Variants in PI4KA observed in about 807,000 individuals in gnomAD.
The protein encoded by PI4KA is phosphatidylinositol 4-kinase alpha.
A neutral mutation model predicts 271.4 loss-of-function variants in PI4KA; 122 were observed. The ratio of observed to expected loss-of-function variants is 0.45; its 90% CI spans 0.39 to 0.52. The LOEUF (loss-of-function observed/expected upper bound fraction) is 0.52, where lower values mean the gene tolerates loss of function less well. Ranked by LOEUF, PI4KA falls within the 20% of genes least tolerant of loss-of-function variation. The probability of loss-of-function intolerance (pLI) is 0.00; values close to 1 mark genes in which losing one functional copy is unlikely to be tolerated. For missense variants in PI4KA, 1,969 were observed against 2,769.1 expected (o/e 0.71, Z 6.48); for synonymous variants, 1,041 against 1,078.8 (o/e 0.96, Z 0.69).
chr22:20,747,621 G>A lies in PI4KA; in HGVS notation c.3325C>T (p.His1109Tyr). The A allele has an allele frequency of 3.1e-6, 5 of 1,614,128 alleles. No individual in the cohort carries two copies. Among genetic ancestry groups the A allele is most frequent in the Non-Finnish European group, 4.2e-6 (5 of 1,180,006 alleles). The change falls in exon 29 of 55, where the codon CAC becomes TAC. Residue 1109 changes from histidine to tyrosine, a missense_variant. Around this residue, in one of 13 missense-constraint regions of PI4KA, gnomAD observed 203 missense variants for 256.8 expected, o/e 0.79. Transcript: ENST00000255882. ...GLAMATESIL[H>Y]FAGYNKQNTT... ...TTCTGCTTGTTGTAGCCAGCAAAGT[G>A]AAGGATGCTCTCAGTGGCCATGGCC... is the stretch of plus-strand genomic sequence containing the variant.
At chr22:20,828,441 A>G (rs984814240) in intron 3 of PI4KA, among the ~76,000 whole-genome samples, 4 of 152,154 alleles carry the variant, frequency 2.6e-5, no homozygotes, top group Non-Finnish European at 5.9e-5. Flanking sequence ...CTGGTTTTCA[A>G]GGGGAATGCT....
At chr22:20,743,750 G>A (rs796548064) in intron 30 of PI4KA, among the ~76,000 whole-genome samples, 6 of 152,252 alleles carry the variant, frequency 3.9e-5, no homozygotes, top group African/African-American at 1.4e-4. Flanking sequence ...AGTCACCAGG[G>A]AGCTTAGAAA....
intron 19 of PI4KA, among the ~76,000 whole-genome samples, chr22:20,777,688 T>C (rs1023479546): frequency 2.0e-5 from 3 of 152,202 alleles, no homozygotes; most frequent in African/African-American, 7.2e-5. Flanking sequence ...GTTGGGACCA[T>C]GTATTACCTG....
chr22:20,808,014 G>C (rs1217079669), intron 9 of PI4KA, among the ~76,000 whole-genome samples: 2 of 152,188 alleles, frequency 1.3e-5, no homozygotes, highest in Non-Finnish European at 2.9e-5. Flanking sequence ...GTCCAGCCCG[G>C]GTGTGGTGGC....
At chr22:20,771,283 C>G (rs922172319) in intron 19 of PI4KA, among the ~76,000 whole-genome samples, 37 of 151,902 alleles carry the variant, frequency 2.4e-4, no homozygotes, top group African/African-American at 8.5e-4. Flanking sequence ...ATTAGCCAGA[C>G]GTGGTGGTGG....
At chr22:20,751,180 C>G in intron 27 of PI4KA, 113 bp downstream of exon 27, 1 of 819,012 alleles carries the variant, frequency 1.2e-6, no homozygotes, top group Non-Finnish European at 2.0e-6. Context: ...GCACCACCCA[C>G]ACCTCAAATT....
At chr22:20,760,734 C>A (rs1931876472) in intron 23 of PI4KA, among the ~76,000 whole-genome samples, 1 of 152,126 alleles carries the variant, frequency 6.6e-6, no homozygotes, top group South Asian at 2.1e-4. Context: ...CATTTTTATG[C>A]CTTCCTACAG....
At position 20,841,725 on chromosome 22, in the gene PI4KA, C is replaced by T. The variant is rs182892440; in HGVS notation, c.157-2994G>A. Among the ~76,000 whole-genome samples the T allele has an allele frequency of 7.2e-5, 11 of 152,196 alleles. 1 individual carries two copies. Among genetic ancestry groups the T allele is most frequent in the African/African-American group, 2.6e-4 (11 of 41,520 alleles). ...CTTCCAGATCTAATTAAATTAAGAA[C>T]CTTGAAATGGAGGGATATCCTGGAT... On this transcript the variant is annotated intron_variant, in intron 1 of 54. Transcript: ENST00000255882.
rs922735480 is a variant in PI4KA at position 20,858,644 on chromosome 22, G to T, written c.82C>A (p.Arg28=). Residue 28 remains arginine, a synonymous_variant, in exon 1 of 55, where the codon CGG becomes AGG. Coordinates refer to ENST00000255882, the MANE Select transcript of PI4KA (RefSeq NM_058004.4). ...AGGACCGTGTTGAAATAGAAGCCCC[G>T]CGAGGCGCTGGAGCCGGAGCCGGAG... The part of the protein sequence containing the change: ...GCSGSGSSAS[R]GFYFNTVLSL... The T allele has an allele frequency of 6.7e-7, 1 of 1,485,158 alleles. No homozygotes were observed. The highest frequency in any genetic ancestry group is 8.9e-7 in the Non-Finnish European group (1 of 1,124,222). The allele number at this position is 1,485,158 out of a possible 1,614,324, so 92.0% of individuals were successfully genotyped here.
intron 4 of PI4KA, among the ~76,000 whole-genome samples, chr22:20,823,714 G>A (rs1261373524): frequency 3.3e-5 from 5 of 152,174 alleles, no homozygotes; most frequent in African/African-American, 1.2e-4. Context: ...CGAGGCAGAA[G>A]GATCACTTGA....
intron 32 of PI4KA, among the ~76,000 whole-genome samples, chr22:20,740,457 T>TAA (rs5844436): frequency 1.4e-5 from 2 of 144,136 alleles, no homozygotes; most frequent in African/African-American, 5.0e-5. Context: ...GCCTAGGAAG[T>TAA]AAAAAAAAAA....
chr22:20,744,589 C>T, intron 30 of PI4KA, 39 bp downstream of exon 30: 1 of 1,450,056 alleles, frequency 6.9e-7, no homozygotes, highest in Non-Finnish European at 9.7e-7. Flanking sequence ...AACAAGAGGA[C>T]ACGTTAAAGG....
intron 1 of PI4KA, among the ~76,000 whole-genome samples, chr22:20,848,173 G>C (rs111574521): frequency 6.6e-6 from 1 of 151,088 alleles, no homozygotes; most frequent in South Asian, 2.1e-4. Flanking sequence ...AGGAGGCGGA[G>C]GTTGCAGTGA....
intron 23 of PI4KA, among the ~76,000 whole-genome samples, chr22:20,759,567 CTTAT>C (rs1375126134): frequency 3.3e-5 from 5 of 151,530 alleles, no homozygotes; most frequent in Admixed American, 6.6e-5. Context: ...CCACGCTCGG[CTTAT>C]TTATTTATTT....
intron 19 of PI4KA, among the ~76,000 whole-genome samples, chr22:20,780,985 C>T (rs1411294327): frequency 1.3e-5 from 2 of 152,156 alleles, no homozygotes; most frequent in East Asian, 3.9e-4. Flanking sequence ...AGACAAAAGG[C>T]TAAAGAAATG....
chr22:20,811,946 G>C (rs1208966606), intron 8 of PI4KA, among the ~76,000 whole-genome samples: 2 of 150,428 alleles, frequency 1.3e-5, no homozygotes, highest in South Asian at 4.2e-4. Flanking sequence ...CTGGGAGGCG[G>C]AGCTTGCAGT....
At chr22:20,846,409 A>C (rs1182870330) in intron 1 of PI4KA, among the ~76,000 whole-genome samples, 1 of 151,774 alleles carries the variant, frequency 6.6e-6, no homozygotes, top group Non-Finnish European at 1.5e-5. Context: ...AATAATAAAG[A>C]AAAACACTAA....
At chr22:20,736,836 T>C (rs1342585766) in intron 32 of PI4KA, 2 of 153,250 alleles carry the variant, frequency 1.3e-5, no homozygotes, top group African/African-American at 4.8e-5. Flanking sequence ...CACTGGCATC[T>C]ACAGTAAAGG....
intron 45 of PI4KA, among the ~76,000 whole-genome samples, chr22:20,716,317 G>A (rs1277946756): frequency 6.6e-6 from 1 of 152,240 alleles, no homozygotes; most frequent in Non-Finnish European, 1.5e-5. Flanking sequence ...CTCCCAAAGT[G>A]CTGGGATTAC....
Sources: allele counts gnomAD v4.1 joint callset (sites outside exome capture counted in the v4.1 genomes callset), GRCh38; gene constraint gnomAD v4.1.1; regional missense constraint gnomAD v4.1.1; transcripts MANE v1.5; gene names NCBI Gene and HGNC (gene_info 2026-07-23, HGNC 2026-07-21).